Variants in FGD5 observed in about 807,000 individuals in gnomAD.
FGD5 encodes the protein FYVE, RhoGEF and PH domain containing 5, also known as FYVE, RhoGEF and PH domain-containing protein 5.
FGD5 carries 28 observed loss-of-function variants against 133.4 expected under a neutral mutation model. That is an observed-to-expected ratio of 0.21 (90% CI 0.16 to 0.29). The LOEUF is 0.29. Ranked by LOEUF, FGD5 falls within the 10% of genes least tolerant of loss-of-function variation. FGD5 has a pLI of 1.00. For missense variants in FGD5, 1,858 were observed against 1,895.2 expected, an observed-to-expected ratio of 0.98 and a Z score of 0.36; for synonymous variants, 810 against 776.5, an observed-to-expected ratio of 1.04 and a Z score of -0.72.
intron 1 of FGD5, among the ~76,000 whole-genome samples, chr3:14,860,362 C>G (rs1400328922): frequency 2.0e-5 from 3 of 152,226 alleles, no homozygotes; most frequent in Non-Finnish European, 4.4e-5. Context: ...CAGCACATTT[C>G]TAATGGTGAC....
At chr3:14,873,730 T>TTTC (rs1559488701) in intron 2 of FGD5, among the ~76,000 whole-genome samples, 2 of 148,512 alleles carry the variant, frequency 1.3e-5, no homozygotes, top group African/African-American at 2.5e-5. Flanking sequence ...ACACTTTTTT[T>TTTC]TTTCTTTTTT....
At chr3:14,878,869 G>A (rs1373462661) in intron 2 of FGD5, among the ~76,000 whole-genome samples, 1 of 152,060 alleles carries the variant, frequency 6.6e-6, no homozygotes, top group Non-Finnish European at 1.5e-5. Flanking sequence ...ACCATGCCCG[G>A]CTAATCTTTT....
intron 2 of FGD5, among the ~76,000 whole-genome samples, chr3:14,874,869 T>A (rs994621428): frequency 3.3e-5 from 5 of 152,178 alleles, no homozygotes; most frequent in African/African-American, 9.7e-5. Context: ...GTCAGCATGA[T>A]CTGGAAACTG....
rs2036436381 is a variant in FGD5 at position 14,819,432 on chromosome 3, G to A, written c.361G>A (p.Val121Met). 6.5e-7 allele frequency: 1 copy of A among 1,550,106 alleles called. No individual in the cohort carries two copies. Among genetic ancestry groups the A allele is most frequent in the Admixed American group, 2.0e-5 (1 of 50,932 alleles). The change falls in exon 1 of 20, where the codon GTG becomes ATG. Residue 121 changes from valine (V) to methionine (M), a missense_variant. Coordinates refer to ENST00000285046, the MANE Select transcript of FGD5 (RefSeq NM_152536.4). The surrounding 1 kb of genome is among the most constrained non-coding windows in gnomAD (Gnocchi z 4.1). The part of the protein sequence containing the change: ...LEGTGAGEDS[V>M]APAAPGAGAL... ...GGGTACAGGAGCTGGTGAGGATTCA[G>A]TGGCCCCTGCTGCTCCGGGTGCAGG...
At chr3:14,857,152 A>G (rs1276461188) in intron 1 of FGD5, among the ~76,000 whole-genome samples, 2 of 138,776 alleles carry the variant, frequency 1.4e-5, no homozygotes, top group Non-Finnish European at 3.1e-5. Context: ...TAGAAATGTC[A>G]TCCTTTTTTT....
intron 2 of FGD5, among the ~76,000 whole-genome samples, chr3:14,868,350 ACGCCCTCTGTGG>A (rs1239285103): frequency 6.6e-6 from 1 of 151,324 alleles, no homozygotes; most frequent in Non-Finnish European, 1.5e-5. Flanking sequence ...TCCTGTCCTC[ACGCCCTCTGTGG>A]CAGGTCTGCT....
intron 13 of FGD5, chr3:14,921,308 C>A (rs745694717): frequency 1.9e-5 from 3 of 154,778 alleles, no homozygotes; most frequent in Non-Finnish European, 4.3e-5. Context: ...TGCACACTTA[C>A]CTGTGGTGTA....
chr3:14,871,414 A>T (rs1393439573), intron 2 of FGD5, among the ~76,000 whole-genome samples: 1 of 152,230 alleles, frequency 6.6e-6, no homozygotes, highest in Non-Finnish European at 1.5e-5. Context: ...AATAAAATGA[A>T]AACACTTGTT....
intron 11 of FGD5, 95 bp downstream of exon 11, chr3:14,911,024 G>GGA (rs2038438702): frequency 1.6e-6 from 2 of 1,241,394 alleles, no homozygotes; most frequent in Admixed American, 4.0e-5. Context: ...TAGGGTGAGA[G>GGA]GAGAGTAGAA....
At chr3:14,853,766 C>T (rs549693602) in intron 1 of FGD5, among the ~76,000 whole-genome samples, 3 of 143,554 alleles carry the variant, frequency 2.1e-5, no homozygotes, top group Admixed American at 7.3e-5. Flanking sequence ...AGCACCAGGC[C>T]GGGTTACACA....
intron 4 of FGD5, 137 bp from the exon 5 acceptor site, chr3:14,897,372 G>A: frequency 1.0e-6 from 1 of 989,584 alleles, no homozygotes; most frequent in Non-Finnish European, 1.5e-6. Flanking sequence ...GAGACTGTTG[G>A]GTCTGGAGAC....
rs374679704 is a variant in FGD5 at position 14,871,487 on chromosome 3, G to T, written c.2658+7227G>T. On this transcript the variant is annotated intron_variant, in intron 2 of 19. Transcript: ENST00000285046. ...AGCTGGGAGTCCAACCTGCATTTTT[G>T]ATATTCCTGTTGCTTCACCCTGGCT... 7.4e-4 allele frequency among the ~76,000 whole-genome samples: 113 copies of T among 152,310 alleles called. 2 individuals are homozygous for T. In the South Asian group the frequency reaches 0.02, roughly 26 times the overall value.
chr3:14,833,050 G>C (rs760580029), intron 1 of FGD5, among the ~76,000 whole-genome samples: 2 of 152,140 alleles, frequency 1.3e-5, no homozygotes, highest in African/African-American at 4.8e-5. Context: ...TCTGAGCGAC[G>C]AATTAATGTG....
In FGD5 at chr3:14,898,167, A is replaced by C. The variant is rs895378163; in HGVS notation, c.3066+72A>C. Reference sequence around the variant, plus strand: ...TGAGGTGGGCGAAGGGCTTAATGCAAATCAGTGGGACATCTTGGTAGGTGT... The same window carrying C: ...TGAGGTGGGCGAAGGGCTTAATGCACATCAGTGGGACATCTTGGTAGGTGT... On this transcript the variant is annotated intron_variant, in intron 6 of 19. Transcript: ENST00000285046. 3.8e-6 allele frequency: 6 copies of C among 1,583,140 alleles called. No individual in the cohort carries two copies. In the African/African-American group the frequency reaches 8.1e-5, roughly 21 times the overall value.
intron 2 of FGD5, 97 bp from the exon 3 acceptor site, chr3:14,880,475 T>G (rs2037803280): frequency 9.2e-7 from 1 of 1,087,792 alleles, no homozygotes; most frequent in Non-Finnish European, 1.3e-6. Flanking sequence ...CAGGAAATGG[T>G]CTGCAAAATG....
chr3:14,814,541 C>G (rs1345117915), upstream of FGD5, among the ~76,000 whole-genome samples: 1 of 152,070 alleles, frequency 6.6e-6, no homozygotes, highest in Non-Finnish European at 1.5e-5. Flanking sequence ...TTTGTTTGCA[C>G]CCTCCTCATC....
chr3:14,868,800 T>C (rs2037548809), intron 2 of FGD5, among the ~76,000 whole-genome samples: 1 of 152,190 alleles, frequency 6.6e-6, no homozygotes, highest in Non-Finnish European at 1.5e-5. Flanking sequence ...TTATTAAATA[T>C]ATACTGAGCG....
chr3:14,905,846 C>T (rs2038327467), intron 9 of FGD5, among the ~76,000 whole-genome samples: 1 of 152,032 alleles, frequency 6.6e-6, no homozygotes. Context: ...TTCCTCATAA[C>T]TTGTTATTGG....
At chr3:14,852,047 CA>C (rs1410719109) in intron 1 of FGD5, among the ~76,000 whole-genome samples, 1 of 152,040 alleles carries the variant, frequency 6.6e-6, no homozygotes, top group African/African-American at 2.4e-5. Context: ...TGGTAGTTCT[CA>C]AAACATTAAA....
Sources: gnomAD v4.1 joint callset for allele counts (sites outside exome capture counted in the v4.1 genomes callset) on GRCh38, gnomAD v4.1.1 for gene constraint, Gnocchi (gnomAD v3.1) non-coding constraint, MANE v1.5 for transcripts, NCBI Gene and HGNC (gene_info 2026-07-23, HGNC 2026-07-21) for gene names.